The following HELB variants were observed in gnomAD, a reference collection of about 807,000 sequenced individuals.
The protein encoded by HELB is DNA 5'-3' helicase B.
HELB carries 96 observed loss-of-function variants against 101.7 expected under a neutral mutation model. The ratio of observed to expected loss-of-function variants is 0.94; its 90% CI spans 0.80 to 1.12. The LOEUF (loss-of-function observed/expected upper bound fraction) is 1.12, where lower values mean the gene tolerates loss of function less well. Among genes scored for constraint, HELB ranks in the 50% most tolerant of loss-of-function variants. The pLI is 0.00. For missense variants in HELB, 1,210 were observed against 1,291.9 expected (o/e 0.94, Z 0.97); for synonymous variants, 437 against 459.7 (o/e 0.95, Z 0.63).
At position 66,305,164 on chromosome 12, in the gene HELB, T is replaced by C. The variant is rs2053460286; in HGVS notation, c.607+14T>C. ...TGGAAAACACAAGTAAGTGTGATTT[T>C]TATCATCAACTTTCAGTGTAATTGA... On this transcript the variant is annotated intron_variant, in intron 2 of 12. Coordinates refer to ENST00000247815, the MANE Select transcript of HELB (RefSeq NM_001370285.1). The C allele has an allele frequency of 6.9e-7, 1 of 1,457,430 alleles. No individual in the cohort carries two copies. The highest frequency in any genetic ancestry group is 1.4e-5 in the African/African-American group (1 of 70,156). The allele number at this position is 1,457,430 out of a possible 1,614,324, so 90.3% of individuals were successfully genotyped here.
chr12:66,331,257 T>G lies in HELB; in HGVS notation c.2774T>G (p.Val925Gly). ...AVTRGRCRVY[V>G]IAEESQLRNA... is the part of the protein sequence containing the mutation. ...ACCAGGGGCCGCTGCCGAGTGTATG[T>G]GATTGCAGAGGAGTCTCAGCTCCGG... The change falls in exon 12 of 13, where the codon GTG becomes GGG. Residue 925 changes from valine to glycine, a missense_variant. Transcript: ENST00000247815. 1.2e-6 allele frequency: 2 copies of G among 1,614,214 alleles called. No individual in the cohort carries two copies. Among genetic ancestry groups the G allele is most frequent in the Non-Finnish European group, 8.5e-7 (1 of 1,180,034 alleles).
At chr12:66,336,780 G>A (rs1400071803) in intron 12 of HELB, among the ~76,000 whole-genome samples, 1 of 152,178 alleles carries the variant, frequency 6.6e-6, no homozygotes, top group East Asian at 1.9e-4. Context: ...GGAACTGGCA[G>A]GGAGGATGGA....
chr12:66,330,130 GA>G (rs1276334470), intron 11 of HELB, among the ~76,000 whole-genome samples: 3 of 152,182 alleles, frequency 2.0e-5, no homozygotes, highest in Non-Finnish European at 2.9e-5. Flanking sequence ...CAATGGGGGA[GA>G]TAATGGTACA....
intron 2 of HELB, 66 bp downstream of exon 2, chr12:66,305,216 A>T (rs1368780150): frequency 2.1e-6 from 2 of 960,352 alleles, no homozygotes; most frequent in African/African-American, 3.3e-5. Context: ...AGTGTTTAAA[A>T]TGTTACCACT....
rs375998340 is a variant in HELB, at chr12:66,306,520, T to C, written c.777+6T>C. 2 of 1,566,012 alleles carry C rather than the reference T, an allele frequency of 1.3e-6. No individual in the cohort carries two copies. The highest frequency in any genetic ancestry group is 1.7e-6 in the Non-Finnish European group (2 of 1,157,094). ...GGAAACTTGGATTTAGTAAAGTAAG[T>C]AAAACATTTGCTCAGCATATAGTAA... On this transcript the variant is annotated splice_donor_region_variant and intron_variant, in intron 3 of 12. Coordinates refer to ENST00000247815, the MANE Select transcript of HELB (RefSeq NM_001370285.1).
intron 11 of HELB, among the ~76,000 whole-genome samples, chr12:66,326,937 G>A (rs1016377101): frequency 1.4e-5 from 2 of 147,662 alleles, no homozygotes; most frequent in Non-Finnish European, 3.0e-5. Flanking sequence ...TTGAGAGGCT[G>A]AGGCATGAGA....
chr12:66,311,955 C>G (rs773872033), intron 4 of HELB, among the ~76,000 whole-genome samples: 2 of 152,098 alleles, frequency 1.3e-5, no homozygotes, highest in African/African-American at 4.8e-5. Context: ...AGGGGAAAGG[C>G]CTTTGCAAAG....
intron 5 of HELB, among the ~76,000 whole-genome samples, chr12:66,314,900 T>C (rs2053584968): frequency 1.3e-5 from 2 of 152,144 alleles, no homozygotes. Context: ...TTTTGTACAC[T>C]TATTTTATCT....
intron 12 of HELB, among the ~76,000 whole-genome samples, chr12:66,333,040 C>T (rs2053826818): frequency 6.6e-6 from 1 of 151,862 alleles, no homozygotes. Flanking sequence ...TTGAAAAAAA[C>T]ATTTAGCAAA....
intron 11 of HELB, among the ~76,000 whole-genome samples, chr12:66,330,380 A>G (rs570298148): frequency 1.3e-5 from 2 of 152,266 alleles, no homozygotes; most frequent in African/African-American, 4.8e-5. Context: ...AAAGTCATCC[A>G]TAGGCCTTCC....
At chr12:66,342,385 T>TC (rs1215887305), downstream of HELB, 4 of 147,856 alleles carry the variant, frequency 2.7e-5, no homozygotes, top group Non-Finnish European at 5.9e-5. Flanking sequence ...TTTTTTTTTT[T>TC]CTTCTTCGAG....
At chr12:66,340,003 G>C (rs1330612843), downstream of HELB, 1 of 152,182 alleles carries the variant, frequency 6.6e-6, no homozygotes, top group African/African-American at 2.4e-5. Context: ...TATTGAATTT[G>C]TCCATTCATC....
In HELB at chr12:66,304,978, A is replaced by G. The variant is rs1217449673; in HGVS notation, c.435A>G (p.Leu145=). The change falls in exon 2 of 13, where the codon TTA becomes TTG. Residue 145 remains leucine (L), a synonymous_variant. Transcript: ENST00000247815. ...EVSSDDVNKF[L]TWVKEVSNYK... Reference sequence around the variant, plus strand: ...CCAGTGATGATGTTAATAAATTTTTAACATGGGTAAAGGAGGTATCAAACT... The same window carrying G: ...CCAGTGATGATGTTAATAAATTTTTGACATGGGTAAAGGAGGTATCAAACT... 1 of 1,614,034 alleles carries G rather than the reference A, an allele frequency of 6.2e-7. No homozygotes were observed.
At chr12:66,321,369 G>A (rs1402693193) in intron 7 of HELB, 1 of 152,420 alleles carries the variant, frequency 6.6e-6, no homozygotes, top group African/African-American at 2.4e-5. Context: ...GATGGTTGGG[G>A]TGGGGAGTAG....
chr12:66,305,744 G>C, intron 2 of HELB, among the ~76,000 whole-genome samples: 1 of 79,696 alleles, frequency 1.3e-5, no homozygotes, highest in South Asian at 3.9e-4. Context: ...CACCGTCTCA[G>C]TTAAAAAAAA....
intron 12 of HELB, among the ~76,000 whole-genome samples, chr12:66,333,032 G>GA (rs984686500): frequency 1.1e-4 from 17 of 151,408 alleles, no homozygotes; most frequent in Non-Finnish European, 1.9e-4. Context: ...TTCAGCATTT[G>GA]AAAAAAACAT....
At position 66,304,921 on chromosome 12, in the gene HELB, C is replaced by G. The variant is rs376823726; in HGVS notation, c.378C>G (p.Ile126Met). ...SDMSPPNQKH[I>M]CALFLKECEV... ...TGTCACCACCAAATCAAAAACATAT[C>G]TGTGCTCTCTTTCTTAAAGAGTGTG... is the stretch of plus-strand genomic sequence containing the variant. The change falls in exon 2 of 13, where the codon ATC (isoleucine) becomes ATG (methionine). Residue 126 changes from isoleucine (I) to methionine (M), a missense_variant. Ile to Met is a conservative substitution (Grantham distance 10). Coordinates refer to ENST00000247815, the MANE Select transcript of HELB (RefSeq NM_001370285.1). 21 of 1,613,940 alleles carry G rather than the reference C, an allele frequency of 1.3e-5. No homozygotes were observed. Among genetic ancestry groups the G allele is most frequent in the Non-Finnish European group, 1.8e-5 (21 of 1,179,954 alleles).
chr12:66,315,102 A>G (rs2053588723), intron 5 of HELB, 140 bp from the exon 6 acceptor site: 1 of 498,614 alleles, frequency 2.0e-6, no homozygotes, highest in Non-Finnish European at 3.3e-6. Context: ...TTATTGTGTT[A>G]TTACTATTTT....
At chr12:66,310,817 G>C (rs2053535653) in intron 4 of HELB, among the ~76,000 whole-genome samples, 1 of 152,142 alleles carries the variant, frequency 6.6e-6, no homozygotes, top group African/African-American at 2.4e-5. Flanking sequence ...TGTAATCCCA[G>C]CTACTCGGGA....
Sources: allele counts gnomAD v4.1 joint callset (sites outside exome capture counted in the v4.1 genomes callset), GRCh38; gene constraint gnomAD v4.1.1; transcripts MANE v1.5; gene names NCBI Gene and HGNC (gene_info 2026-07-23, HGNC 2026-07-21).